Variants in KCNH5 observed in about 807,000 individuals in gnomAD.
KCNH5 encodes the protein voltage-gated delayed rectifier potassium channel KCNH5.
Under a neutral mutation model 96.1 loss-of-function variants are expected in KCNH5, and 46 were observed. That is an observed-to-expected ratio of 0.48 (90% confidence interval 0.38 to 0.61). The LOEUF is 0.61. Among genes scored for constraint, KCNH5 ranks in the 20% least tolerant of loss-of-function variants. The pLI, the probability that KCNH5 is intolerant of heterozygous loss-of-function variation, is 0.00. For missense variants in KCNH5, 907 were observed against 1,225.8 expected (o/e 0.74, Z 3.88); for synonymous variants, 439 against 449.8 (o/e 0.98, Z 0.30).
At chr14:62,818,103 T>TGGGGGGGGGGGGGGGGGGAAGAAAGGGG (rs71120236) in intron 8 of KCNH5, among the ~76,000 whole-genome samples, 1 of 39,906 alleles carries the variant, frequency 2.5e-5, no homozygotes, top group Non-Finnish European at 4.7e-5. Context: ...TACCAGGAGC[T>TGGGGGGGGGGGGGGGGGGAAGAAAGGGG]GGGGGCGGGG....
Position 62,880,220 on chromosome 14 carries a change from TAGACAGTGGCACTAGAAA to T in KCNH5, c.1370-30386_1370-30369del, listed in dbSNP as rs568105451. Among the ~76,000 whole-genome samples, 4 of 152,300 alleles carry T rather than the reference TAGACAGTGGCACTAGAAA, an allele frequency of 2.6e-5. No homozygotes were observed. In the East Asian group the frequency reaches 7.7e-4, roughly 29 times the overall value. ...ATAGGTAATTATATTTTCTATGGAA[TAGACAGTGGCACTAGAAA>T]AGACAGTTCATTAGTGGTGCAGTTA... On this transcript the variant is annotated intron_variant, in intron 7 of 10. Coordinates refer to ENST00000322893, the MANE Select transcript of KCNH5 (RefSeq NM_139318.5).
intron 6 of KCNH5, among the ~76,000 whole-genome samples, chr14:62,960,192 G>T (rs1254389404): frequency 6.6e-6 from 1 of 152,054 alleles, no homozygotes; most frequent in African/African-American, 2.4e-5. Context: ...AGCCTAGTTG[G>T]CTCTATCCAT....
intron 10 of KCNH5, among the ~76,000 whole-genome samples, chr14:62,737,179 T>A (rs767884545): frequency 5.3e-5 from 8 of 152,308 alleles, no homozygotes; most frequent in Admixed American, 6.5e-5. Flanking sequence ...TTCAAATAGA[T>A]TATACATTTT....
At chr14:63,007,323 A>G (rs1046428533) in intron 2 of KCNH5, among the ~76,000 whole-genome samples, 1 of 152,218 alleles carries the variant, frequency 6.6e-6, no homozygotes, top group Non-Finnish European at 1.5e-5. Flanking sequence ...AATTAATTCT[A>G]ACTTAGAAAG....
intron 8 of KCNH5, among the ~76,000 whole-genome samples, chr14:62,819,887 T>C (rs1887078672): frequency 6.6e-6 from 1 of 152,222 alleles, no homozygotes; most frequent in Admixed American, 6.5e-5. Context: ...ACTAAAAATA[T>C]TGACTTTAGG....
chr14:62,712,380 T>A (rs550109007), intron 10 of KCNH5: 50 of 432,550 alleles, frequency 1.2e-4, no homozygotes, highest in African/African-American at 9.5e-4. Context: ...CATTTAAGTG[T>A]CATGGAATGA....
intron 8 of KCNH5, among the ~76,000 whole-genome samples, chr14:62,835,646 G>A (rs143346560): frequency 0.013 from 1,918 of 152,100 alleles, 22 homozygotes; most frequent in Non-Finnish European, 0.018. Flanking sequence ...CGGCATAACT[G>A]ATGCCTTGAC....
rs1349120162 is a variant in KCNH5, at chr14:62,702,569, T to C, written c.*4939A>G. ...CATGGGGTTGCTGCAAGAATTAAAT[T>C]TGATAACCTAAATAAAATGCTTATC... is the stretch of plus-strand genomic sequence containing the variant. On this transcript the variant is annotated 3_prime_UTR_variant, in exon 11 of 11. Coordinates refer to ENST00000322893, the MANE Select transcript of KCNH5 (RefSeq NM_139318.5). 6.6e-6 allele frequency: 1 copy of C among 152,014 alleles called. No individual in the cohort carries two copies. The highest frequency in any genetic ancestry group is 1.5e-5 in the Non-Finnish European group (1 of 67,894). The allele number at this position is 152,014 out of a possible 1,614,324, so 9.4% of individuals were successfully genotyped here. A position where few individuals can be genotyped will look rare whatever the true frequency, so the allele number is the denominator to read the frequency against.
intron 6 of KCNH5, among the ~76,000 whole-genome samples, chr14:62,955,757 G>A (rs1890092180): frequency 6.6e-6 from 1 of 152,144 alleles, no homozygotes; most frequent in African/African-American, 2.4e-5. Flanking sequence ...GTAGGGGTCC[G>A]TGGAGGCCCT....
chr14:62,801,116 T>G (rs1360780133), intron 9 of KCNH5, among the ~76,000 whole-genome samples: 9 of 152,120 alleles, frequency 5.9e-5, no homozygotes, highest in Non-Finnish European at 1.3e-4. Flanking sequence ...CCATTCTCAA[T>G]TCTATATTTT....
intron 8 of KCNH5, among the ~76,000 whole-genome samples, chr14:62,843,265 T>A (rs1418986740): frequency 1.3e-5 from 2 of 152,124 alleles, no homozygotes; most frequent in Non-Finnish European, 2.9e-5. Flanking sequence ...GAACACAATA[T>A]CCAAACACAA....
intron 7 of KCNH5, among the ~76,000 whole-genome samples, chr14:62,901,834 C>T (rs59454582): frequency 0.12 from 18,902 of 152,246 alleles, 1,375 homozygotes; most frequent in East Asian, 0.28. Context: ...AACTAATTTA[C>T]ATTCCAATCA....
intron 7 of KCNH5, among the ~76,000 whole-genome samples, chr14:62,944,912 C>G (rs1889857548): frequency 6.6e-6 from 1 of 152,052 alleles, no homozygotes; most frequent in South Asian, 2.1e-4. Context: ...GGTATACAAA[C>G]AGAAAACTGC....
chr14:63,022,113 A>C (rs996219251), intron 1 of KCNH5, among the ~76,000 whole-genome samples: 1 of 152,150 alleles, frequency 6.6e-6, no homozygotes, highest in East Asian at 1.9e-4. Context: ...TAACATGATC[A>C]TGACTTTTTA....
intron 10 of KCNH5, among the ~76,000 whole-genome samples, chr14:62,776,427 G>C (rs1239661328): frequency 6.6e-6 from 1 of 152,122 alleles, no homozygotes; most frequent in Non-Finnish European, 1.5e-5. Flanking sequence ...GCCAGGAAAA[G>C]AACCCTCACC....
chr14:62,745,392 T>G (rs1885355555), intron 10 of KCNH5, among the ~76,000 whole-genome samples: 1 of 152,184 alleles, frequency 6.6e-6, no homozygotes, highest in African/African-American at 2.4e-5. Flanking sequence ...TAAATCAGTA[T>G]TAAGTGGAGT....
intron 9 of KCNH5, among the ~76,000 whole-genome samples, chr14:62,799,018 T>G (rs1886595062): frequency 6.6e-6 from 1 of 152,128 alleles, no homozygotes; most frequent in South Asian, 2.1e-4. Flanking sequence ...ATGTGAGGGA[T>G]GTAGGGATTT....
At chr14:62,825,336 T>C (rs75759705) in intron 8 of KCNH5, among the ~76,000 whole-genome samples, 4,201 of 152,262 alleles carry the variant, frequency 0.028, 87 homozygotes, top group South Asian at 0.059. Context: ...CTGACTGATG[T>C]GAAATGGTAT....
chr14:62,901,187 C>T (rs984453558), intron 7 of KCNH5, among the ~76,000 whole-genome samples: 1 of 151,724 alleles, frequency 6.6e-6, no homozygotes, highest in Non-Finnish European at 1.5e-5. Flanking sequence ...AAGTTTTATT[C>T]GATTTTAAAA....
Sources: allele counts gnomAD v4.1 joint callset (sites outside exome capture counted in the v4.1 genomes callset), GRCh38; gene constraint gnomAD v4.1.1; transcripts MANE v1.5; gene names NCBI Gene and HGNC (gene_info 2026-07-23, HGNC 2026-07-21).